FLG: variants seen among roughly 807,000 people sequenced by gnomAD.
The protein encoded by FLG is epidermal filaggrin.
In FLG, 6 loss-of-function variants were observed where a neutral mutation model predicts 3.8. The observed-to-expected ratio is 1.60, with a 90% CI of 0.87 to 3.15. The LOEUF (loss-of-function observed/expected upper bound fraction) is 3.15. Among genes scored for constraint, FLG ranks in the 30% most tolerant of loss-of-function variants. The pLI is 0.00. For synonymous variants in FLG, 2,551 were observed against 1,931.6 expected, an observed-to-expected ratio of 1.32 and a Z score of -8.41; for missense variants, 7,595 against 5,050.9, an observed-to-expected ratio of 1.50 and a Z score of -15.27.
rs747706672 is a variant in FLG at position 152,307,443 on chromosome 1, C to T, written c.7443G>A (p.Leu2481=). ...ACCCTGAGTGTCCAGATCTATCTAC[C>T]AATTGCTCGTAGTGGGATCCCTGCC... ...GGRQGSHYEQ[L]VDRSGHSGSH... Residue 2481 remains leucine (L), a synonymous_variant, in exon 3 of 3, where the codon TTG becomes TTA. Coordinates refer to ENST00000368799, the MANE Select transcript of FLG (RefSeq NM_002016.2). 15 of 1,612,960 alleles carry T rather than the reference C, an allele frequency of 9.3e-6. 1 individual carries two copies. Among genetic ancestry groups the T allele is most frequent in the East Asian group, 6.7e-5 (3 of 44,546 alleles).
In FLG at chr1:152,303,798, T is replaced by A. The variant is rs201502272; in HGVS notation, c.11088A>T (p.Thr3696=). The change falls in exon 3 of 3, where the codon ACA becomes ACT. Residue 3696 remains threonine, a synonymous_variant. Transcript: ENST00000368799. ...CAGACCTTCCTGCTGACCGGCCACG[T>A]GTGGACTCTTGGTGGCTCTGCTGAT... ...GPHQQSHQES[T]RGRSAGRSGR... 180 of 1,613,656 alleles carry A rather than the reference T, an allele frequency of 1.1e-4. 2 individuals carry two copies. In the East Asian group the frequency reaches 3.1e-3, roughly 28 times the overall value.
chr1:152,308,981 G>T lies in FLG; in HGVS notation c.5905C>A (p.His1969Asn), dbSNP rs778145308. Residue 1969 changes from histidine (H) to asparagine (N), a missense_variant, in exon 3 of 3, where the codon CAC becomes AAC. Transcript: ENST00000368799. ...GATTGTCTGGAGCTGTCTGCAGAGT[G>T]CCCGTGACCGGCTCTGTCTTCGTGA... ...SHHEDRAGHG[H>N]SADSSRQSGT... 1.2e-5 allele frequency: 19 copies of T among 1,614,050 alleles called. No homozygotes were observed. The highest frequency in any genetic ancestry group is 1.6e-5 in the Non-Finnish European group (19 of 1,180,014).
chr1:152,315,584 C>A (rs1422278000), intron 1 of FLG, 107 bp from the exon 2 acceptor site: 3 of 831,744 alleles, frequency 3.6e-6, no homozygotes, highest in Non-Finnish European at 5.5e-6. Flanking sequence ...CTAAGTAATC[C>A]ATCTTTAAGA....
At position 152,311,084 on chromosome 1, in the gene FLG, A is replaced by T; in HGVS notation, c.3802T>A (p.Ser1268Thr). Residue 1268 changes from serine to threonine, a missense_variant, in exon 3 of 3, where the codon TCC (serine) becomes ACC (threonine). Ser to Thr is a moderately conservative substitution (Grantham distance 58, BLOSUM62 1). Transcript: ENST00000368799. ...CTGTCACTGTCCTGGCTAACACTGG[A>T]TCCCTGGTGCCTGCTTGTCCTGGAC... ...SGSRTSRHQG[S>T]SVSQDSDSER... 6.2e-7 allele frequency: 1 copy of T among 1,613,270 alleles called. No individual in the cohort carries two copies. The highest frequency in any genetic ancestry group is 8.5e-7 in the Non-Finnish European group (1 of 1,179,890).
chr1:152,318,267 C>G (rs541870459), intron 1 of FLG, among the ~76,000 whole-genome samples: 1 of 151,938 alleles, frequency 6.6e-6, no homozygotes, highest in South Asian at 2.1e-4. Context: ...TTTTCTATCA[C>G]CAAACTCTAC....
Position 152,313,545 on chromosome 1 carries a change from C to T in FLG, c.1341G>A (p.Gln447=), listed in dbSNP as rs1236206876. The T allele has an allele frequency of 6.2e-7, 1 of 1,613,892 alleles. No homozygotes were observed. The highest frequency in any genetic ancestry group is 2.2e-5 in the East Asian group (1 of 44,824). Residue 447 remains glutamine (Q), a synonymous_variant, in exon 3 of 3, where the codon CAG becomes CAA. Transcript: ENST00000368799. The part of the protein sequence containing the change: ...VSGHGKAGLR[Q]QSHQESTRGR... Reference sequence around the variant, plus strand: ...CACGTGTGGACTCTTGGTGGCTCTGCTGTCTCAGCCCAGCCTTTCCGTGGC... The same window carrying T: ...CACGTGTGGACTCTTGGTGGCTCTGTTGTCTCAGCCCAGCCTTTCCGTGGC...
chr1:152,314,838 T>G, intron 2 of FLG, 91 bp from the exon 3 acceptor site: 1 of 1,531,594 alleles, frequency 6.5e-7, no homozygotes, highest in East Asian at 2.3e-5. Flanking sequence ...GAACCTGATC[T>G]TTGAGTATTA....
In FLG at chr1:152,313,522, C is replaced by G. The variant is rs1167365260; in HGVS notation, c.1364G>C (p.Arg455Pro). ...LRQQSHQEST[R>P]GRSGERSGRS... ...TCCAGACCGTTCCCCTGACCGGCCA[C>G]GTGTGGACTCTTGGTGGCTCTGCTG... The change falls in exon 3 of 3, where the codon CGT (arginine) becomes CCT (proline). Residue 455 changes from arginine (R) to proline (P), a missense_variant. By Grantham distance (103) the Arg-to-Pro change is moderately radical (BLOSUM62 -2). Coordinates refer to ENST00000368799, the MANE Select transcript of FLG (RefSeq NM_002016.2). 1 of 1,613,870 alleles carries G rather than the reference C, an allele frequency of 6.2e-7. No homozygotes were observed. The highest frequency in any genetic ancestry group is 1.3e-5 in the African/African-American group (1 of 74,858).
chr1:152,312,495 C>T lies in FLG; in HGVS notation c.2391G>A (p.Val797=). The T allele has an allele frequency of 6.2e-7, 1 of 1,613,358 alleles. No individual in the cohort carries two copies. Among genetic ancestry groups the T allele is most frequent in the Non-Finnish European group, 8.5e-7 (1 of 1,179,654 alleles). ...AGGACTCAGACTGTTTATGAGTGCT[C>T]ACCTGGTAGAGGAAAGACCCTGAAC... ...SRRSGSFLYQ[V]STHKQSESSH... is the part of the protein sequence containing the mutation. The change falls in exon 3 of 3, where the codon GTG becomes GTA. Residue 797 remains valine, a synonymous_variant. Coordinates refer to ENST00000368799, the MANE Select transcript of FLG (RefSeq NM_002016.2).
rs754405401 is a variant in FLG, at chr1:152,314,159, C to A, written c.727G>T (p.Ala243Ser). Residue 243 changes from alanine (A) to serine (S), a missense_variant, in exon 3 of 3, where the codon GCC becomes TCC. Physicochemically the swap from Ala to Ser is moderately conservative, Grantham distance 99 (BLOSUM62 1). Coordinates refer to ENST00000368799, the MANE Select transcript of FLG (RefSeq NM_002016.2). The part of the protein sequence containing the change: ...IATYYTIQDE[A>S]YDTTDSLLEE... ...AATAGACTATCAGTGGTGTCATAGG[C>A]TTCATCCTGGATTGTGTAATATGTG... is the stretch of plus-strand genomic sequence containing the variant. 1 of 1,614,146 alleles carries A rather than the reference C, an allele frequency of 6.2e-7. No individual in the cohort carries two copies. Among genetic ancestry groups the A allele is most frequent in the East Asian group, 2.2e-5 (1 of 44,888 alleles).
At position 152,305,251 on chromosome 1, in the gene FLG, C is replaced by A. The variant is rs748590658; in HGVS notation, c.9635G>T (p.Gly3212Val). The A allele has an allele frequency of 1.9e-6, 3 of 1,612,636 alleles. No homozygotes were observed. The highest frequency in any genetic ancestry group is 2.5e-6 in the Non-Finnish European group (3 of 1,179,798). Residue 3212 changes from glycine (G) to valine (V), a missense_variant, in exon 3 of 3, where the codon GGA becomes GTA. Transcript: ENST00000368799. The part of the protein sequence containing the change: ...SEGSRRSRRQ[G>V]SSVSQDSDSE... ...GTCACTGTCCTGGCTCACACTGGAT[C>A]CCTGGCGCCTGCTTCTCCTGGACCC... is the stretch of plus-strand genomic sequence containing the variant.
rs757429282 is a variant in FLG, at chr1:152,310,478, G to T, written c.4408C>A (p.His1470Asn). 1 of 1,613,700 alleles carries T rather than the reference G, an allele frequency of 6.2e-7. No individual in the cohort carries two copies. Among genetic ancestry groups the T allele is most frequent in the South Asian group, 1.1e-5 (1 of 91,056 alleles). The stretch of plus-strand genomic sequence containing the variant: ...CTAGAGCTGTTTCGTGCCTGCTCAT[G>T]GCGGGATCCTTGTCTTCCTCCAGTG... The part of the protein sequence containing the change: ...PSTGGRQGSR[H>N]EQARNSSRHS... Residue 1470 changes from histidine (H) to asparagine (N), a missense_variant, in exon 3 of 3, where the codon CAT becomes AAT. Transcript: ENST00000368799.
chr1:152,309,256 C>G lies in FLG; in HGVS notation c.5630G>C (p.Gly1877Ala). The stretch of plus-strand genomic sequence containing the variant: ...GTGACGCGACCCTGAGTGCCTGGAG[C>G]CGTCTCCTGATTGTTTCTCATTACG... ...QTRNEKQSGD[G>A]SRHSGSRHHE... Residue 1877 changes from glycine to alanine, a missense_variant, in exon 3 of 3, where the codon GGC (glycine) becomes GCC (alanine). Coordinates refer to ENST00000368799, the MANE Select transcript of FLG (RefSeq NM_002016.2). The G allele has an allele frequency of 6.2e-7, 1 of 1,613,804 alleles. No individual in the cohort carries two copies. The highest frequency in any genetic ancestry group is 8.5e-7 in the Non-Finnish European group (1 of 1,179,988).
rs372573825 is a variant in FLG at position 152,302,830 on chromosome 1, G to A, written c.12056C>T (p.Ala4019Val). Residue 4019 changes from alanine (A) to valine (V), a missense_variant, in exon 3 of 3, where the codon GCG becomes GTG. Ala to Val is a moderately conservative substitution (Grantham distance 64, BLOSUM62 0). Coordinates refer to ENST00000368799, the MANE Select transcript of FLG (RefSeq NM_002016.2). ...KERSDICKAS[A>V]FGKDHPRYYA... is the part of the protein sequence containing the mutation. ...ATACCTTGGATGATCTTTACCAAAC[G>A]CACTTGCTTTACAGATATCAGATCT... 82 of 1,614,048 alleles carry A rather than the reference G, an allele frequency of 5.1e-5. No homozygotes were observed. Among genetic ancestry groups the A allele is most frequent in the African/African-American group, 9.3e-5 (7 of 75,008 alleles).
At chr1:152,323,914 G>T (rs1012708127) in intron 1 of FLG, among the ~76,000 whole-genome samples, 1 of 151,746 alleles carries the variant, frequency 6.6e-6, no homozygotes, top group Non-Finnish European at 1.5e-5. Context: ...TGAATAAATT[G>T]TTATATTTTC....
intron 1 of FLG, among the ~76,000 whole-genome samples, chr1:152,315,795 A>G (rs974440898): frequency 6.6e-6 from 1 of 152,178 alleles, no homozygotes; most frequent in African/African-American, 2.4e-5. Flanking sequence ...AAGAATTTAG[A>G]AAGGCTGACT....
chr1:152,302,829 C>T lies in FLG; in HGVS notation c.12057G>A (p.Ala4019=), dbSNP rs370295034. The change falls in exon 3 of 3, where the codon GCG becomes GCA. Residue 4019 remains alanine, a synonymous_variant. Coordinates refer to ENST00000368799, the MANE Select transcript of FLG (RefSeq NM_002016.2). Reference sequence around the variant, plus strand: ...AATACCTTGGATGATCTTTACCAAACGCACTTGCTTTACAGATATCAGATC... The same window carrying T: ...AATACCTTGGATGATCTTTACCAAATGCACTTGCTTTACAGATATCAGATC... ...KERSDICKAS[A]FGKDHPRYYA... 2.5e-5 allele frequency: 41 copies of T among 1,614,032 alleles called. No homozygotes were observed. The highest frequency in any genetic ancestry group is 2.4e-4 in the East Asian group (11 of 44,904).
Position 152,314,013 on chromosome 1 carries a change from C to G in FLG, c.873G>C (p.Lys291Asn), listed in dbSNP as rs749939579. ...CCTGGCTAACTCTGGATCCCCTACG[C>G]TTTCTTGTCCTGGACTCCTGCAATG... ...QVPLQESRTRKRRGSRVSQDR... is the reference protein window; with the variant it reads ...QVPLQESRTRNRRGSRVSQDR... Residue 291 changes from lysine to asparagine, a missense_variant, in exon 3 of 3, where the codon AAG (lysine) becomes AAC (asparagine). By Grantham distance (94) the Lys-to-Asn change is moderately conservative. Transcript: ENST00000368799. 1 of 1,614,210 alleles carries G rather than the reference C, an allele frequency of 6.2e-7. No homozygotes were observed. Among genetic ancestry groups the G allele is most frequent in the South Asian group, 1.1e-5 (1 of 91,076 alleles).
chr1:152,307,365 G>C lies in FLG; in HGVS notation c.7521C>G (p.His2507Gln), dbSNP rs3126074. Residue 2507 changes from histidine to glutamine, a missense_variant, in exon 3 of 3, where the codon CAC becomes CAG. Physicochemically the swap from His to Gln is conservative, Grantham distance 24 (BLOSUM62 0). Transcript: ENST00000368799. ...SQGRSDASHG[H>Q]SGSRSASRQT... ...GTCTGCTTGCACTTCTGGATCCTGA[G>C]TGCCCATGGGAGGCATCAGACCTTC... 0.22 allele frequency: 354,129 copies of C among 1,612,742 alleles called. 51,887 individuals carry two copies. The highest frequency in any genetic ancestry group is 0.62 in the East Asian group (27,614 of 44,684).
Sources: allele counts gnomAD v4.1 joint callset (sites outside exome capture counted in the v4.1 genomes callset), GRCh38; gene constraint gnomAD v4.1.1; transcripts MANE v1.5; gene names NCBI Gene and HGNC (gene_info 2026-07-23, HGNC 2026-07-21).